Variants in ANXA8 observed in about 807,000 individuals in gnomAD.
ANXA8 encodes the protein annexin A8.
A neutral mutation model predicts 26.8 loss-of-function variants in ANXA8; 9 were observed. The observed-to-expected ratio is 0.34, with a 90% CI of 0.20 to 0.59. The LOEUF is 0.59. Ranked by LOEUF, ANXA8 falls within the 20% of genes least tolerant of loss-of-function variation. ANXA8 has a pLI of 0.84. For synonymous variants in ANXA8, 39 were observed against 94.8 expected, an observed-to-expected ratio of 0.41 and a Z score of 3.42; for missense variants, 83 against 238.5, an observed-to-expected ratio of 0.35 and a Z score of 4.29.
chr10:47,665,564 G>A, the ANXA8 span, among the ~76,000 whole-genome samples: 1 of 149,976 alleles, frequency 6.7e-6, no homozygotes, highest in Non-Finnish European at 1.5e-5. Flanking sequence ...TAGAAGGCAG[G>A]TACTGTGTTA....
the ANXA8 span, among the ~76,000 whole-genome samples, chr10:47,704,637 C>T: frequency 1.0e-3 from 151 of 151,638 alleles, 2 homozygotes; most frequent in African/African-American, 3.5e-3. Context: ...TACCTTTTCC[C>T]TCTGAAAACT....
At chr10:47,694,306 A>G in the ANXA8 span, among the ~76,000 whole-genome samples, 37 of 150,556 alleles carry the variant, frequency 2.5e-4, 1 homozygote, top group African/African-American at 7.9e-4. Flanking sequence ...AAATGTTGGG[A>G]AAAAAAAGAA....
the ANXA8 span, among the ~76,000 whole-genome samples, chr10:47,663,382 T>TA: frequency 7.5e-6 from 1 of 133,058 alleles, no homozygotes; most frequent in Admixed American, 7.3e-5. Flanking sequence ...TCATTATAGT[T>TA]AAAAAAAATT....
the ANXA8 span, among the ~76,000 whole-genome samples, chr10:47,711,601 G>T: frequency 7.4e-5 from 11 of 147,774 alleles, no homozygotes; most frequent in African/African-American, 2.9e-4. Flanking sequence ...CAGATGTTTG[G>T]TTGAGCAAGC....
the ANXA8 span, chr10:47,564,577 TGGCTGCTTCCACAGCGTGGCC>T: frequency 3.9e-5 from 18 of 456,552 alleles, 1 homozygote; most frequent in African/African-American, 1.9e-4. Flanking sequence ...CCAAGCTGGA[TGGCTGCTTCCACAGCGTGGCC>T]GGCTGCTTCC....
the ANXA8 span, among the ~76,000 whole-genome samples, chr10:47,989,261 C>T: frequency 1.1e-4 from 15 of 135,514 alleles, no homozygotes; most frequent in African/African-American, 3.2e-4. Context: ...CCCACAGGAA[C>T]GCAGGTCGTC....
chr10:47,576,375 A>G, the ANXA8 span, among the ~76,000 whole-genome samples: 1 of 139,898 alleles, frequency 7.1e-6, no homozygotes, highest in East Asian at 2.0e-4. Flanking sequence ...AGCATAATTT[A>G]TTTTTCCTCT....
At chr10:47,703,476 G>A in the ANXA8 span, among the ~76,000 whole-genome samples, 1 of 150,780 alleles carries the variant, frequency 6.6e-6, no homozygotes, top group Non-Finnish European at 1.5e-5. Flanking sequence ...GCTGAGGTGG[G>A]AGGATTGATT....
the ANXA8 span, among the ~76,000 whole-genome samples, chr10:47,622,403 C>T: frequency 1.4e-4 from 15 of 105,830 alleles, 1 homozygote; most frequent in African/African-American, 6.0e-4. Context: ...TCTCACTGTA[C>T]ACATTTTTTT....
the ANXA8 span, among the ~76,000 whole-genome samples, chr10:47,634,730 T>C: frequency 7.0e-6 from 1 of 142,484 alleles, no homozygotes; most frequent in Non-Finnish European, 1.5e-5. Context: ...TGCAGAGTTA[T>C]GTCATAATTT....
At chr10:47,478,008 GA>G (rs2132415103) in intron 3 of ANXA8, 1 of 120,572 alleles carries the variant, frequency 8.3e-6, no homozygotes, top group African/African-American at 3.1e-5. Flanking sequence ...GTGCAGGTGG[GA>G]GGAGAAACAA....
At chr10:47,568,120 C>T in the ANXA8 span, 185 of 254,106 alleles carry the variant, frequency 7.3e-4, 1 homozygote, top group Middle Eastern at 4.2e-3. Context: ...CTGCAACCTC[C>T]GCCTCCTGGG....
the ANXA8 span, among the ~76,000 whole-genome samples, chr10:47,950,303 T>C: frequency 1.3e-5 from 2 of 152,080 alleles, no homozygotes; most frequent in Non-Finnish European, 2.9e-5. Flanking sequence ...TATTTACAAA[T>C]TGTCATACTT....
At chr10:47,559,572 T>G in the ANXA8 span, among the ~76,000 whole-genome samples, 2 of 151,910 alleles carry the variant, frequency 1.3e-5, no homozygotes, top group Non-Finnish European at 2.9e-5. Flanking sequence ...TTGTGTCTTA[T>G]TGGAGATTGT....
At chr10:47,628,202 A>G in the ANXA8 span, among the ~76,000 whole-genome samples, 4 of 151,776 alleles carry the variant, frequency 2.6e-5, no homozygotes, top group Non-Finnish European at 4.4e-5. Context: ...ATAAAGGTCA[A>G]AGTTTTGCTA....
At chr10:47,733,244 T>TC in the ANXA8 span, among the ~76,000 whole-genome samples, 3 of 83,400 alleles carry the variant, frequency 3.6e-5, no homozygotes, top group African/African-American at 5.0e-5. Flanking sequence ...TCTTTCTTTC[T>TC]TTCTTTCTTT....
the ANXA8 span, chr10:47,691,111 G>T: frequency 6.2e-7 from 1 of 1,610,872 alleles, no homozygotes; most frequent in Admixed American, 1.7e-5. Flanking sequence ...GCTCTAAAGT[G>T]CCTTTAGCAA....
At chr10:47,970,105 T>G in the ANXA8 span, 1 of 151,486 alleles carries the variant, frequency 6.6e-6, no homozygotes. Flanking sequence ...AGTGGAGAGA[T>G]CCTGGGCTTG....
the ANXA8 span, chr10:47,752,950 T>TA: frequency 1.4e-5 from 1 of 73,824 alleles, no homozygotes; most frequent in Non-Finnish European, 2.6e-5. Context: ...CTACTAAAAA[T>TA]AAAAAAAATT....
Sources: gnomAD v4.1 joint callset for allele counts (sites outside exome capture counted in the v4.1 genomes callset) on GRCh38, gnomAD v4.1.1 for gene constraint, MANE v1.5 for transcripts, NCBI Gene and HGNC (gene_info 2026-07-23, HGNC 2026-07-21) for gene names.